MYH6: variants seen among roughly 807,000 people sequenced by gnomAD.
MYH6 encodes the protein myosin-6.
MYH6 carries 126 observed loss-of-function variants against 223.2 expected under a neutral mutation model. The ratio of observed to expected loss-of-function variants is 0.56; its 90% confidence interval spans 0.49 to 0.65. The LOEUF (loss-of-function observed/expected upper bound fraction) is 0.65, where lower values mean the gene tolerates loss of function less well. Among genes scored for constraint, MYH6 ranks in the 30% least tolerant of loss-of-function variants. MYH6 has a pLI of 0.00. For missense variants in MYH6, 2,040 were observed against 2,536.4 expected, an observed-to-expected ratio of 0.80 and a Z score of 4.20; for synonymous variants, 978 against 1,010.2, an observed-to-expected ratio of 0.97 and a Z score of 0.61.
intron 3 of MYH6, among the ~76,000 whole-genome samples, chr14:23,406,527 G>GCC (rs1891794141): frequency 2.0e-5 from 3 of 152,184 alleles, no homozygotes; most frequent in Non-Finnish European, 4.4e-5. Flanking sequence ...GATTCTCTTG[G>GCC]CTGGTGTGAG....
At chr14:23,401,092 C>T (rs1891587221) in intron 12 of MYH6, 115 bp from the exon 13 acceptor site, 4 of 1,494,704 alleles carry the variant, frequency 2.7e-6, no homozygotes, top group Non-Finnish European at 2.7e-6. Context: ...CTACAGCCTC[C>T]ACCTCCTGGG....
At chr14:23,397,796 C>A (rs761573411) in intron 15 of MYH6, among the ~76,000 whole-genome samples, 183 bp from the exon 16 acceptor site, 2 of 152,154 alleles carry the variant, frequency 1.3e-5, no homozygotes, top group Non-Finnish European at 2.9e-5. Context: ...TTAGATAAGA[C>A]CACGCCTGTA....
intron 32 of MYH6, among the ~76,000 whole-genome samples, chr14:23,387,215 C>A (rs1768523580): frequency 6.6e-6 from 1 of 152,190 alleles, no homozygotes; most frequent in Admixed American, 6.5e-5. Context: ...AAGCTGTGTT[C>A]CAACTCAGGC....
intron 33 of MYH6, 77 bp downstream of exon 33, chr14:23,386,238 G>A: frequency 6.2e-7 from 1 of 1,612,922 alleles, no homozygotes. Context: ...GGAATCTGGT[G>A]CCTGTATCCA....
rs748909322 is a variant in MYH6 at position 23,402,588 on chromosome 14, C to T, written c.1017G>A (p.Val339=). The change falls in exon 12 of 39, where the codon GTG becomes GTA. Residue 339 remains valine, a synonymous_variant. Transcript: ENST00000405093. The part of the protein sequence containing the change: ...ELMATDSAFD[V]LGFTSEEKAG... ...CTTTCTCCTCTGAAGTGAAGCCCAGCACGTCAAAGGCACTCTGGGACAGAG... is the reference window on the plus strand; with the variant it reads ...CTTTCTCCTCTGAAGTGAAGCCCAGTACGTCAAAGGCACTCTGGGACAGAG... The T allele has an allele frequency of 6.2e-7, 1 of 1,613,652 alleles. No individual in the cohort carries two copies. Among genetic ancestry groups the T allele is most frequent in the East Asian group, 2.2e-5 (1 of 44,790 alleles).
chr14:23,384,165 C>G (rs1277980788), intron 36 of MYH6, among the ~76,000 whole-genome samples: 1 of 148,434 alleles, frequency 6.7e-6, no homozygotes, highest in East Asian at 2.0e-4. Context: ...GTTCTGAAGT[C>G]TTCATGGTAG....
At position 23,397,961 on chromosome 14, in the gene MYH6, C is replaced by CTTCTAT. The variant is rs1555334321; in HGVS notation, c.1892-349_1892-348insATAGAA. 2.1e-3 allele frequency among the ~76,000 whole-genome samples: 252 copies of CTTCTAT among 120,988 alleles called. 6 individuals carry two copies. Among genetic ancestry groups the CTTCTAT allele is most frequent in the Non-Finnish European group, 3.5e-3 (202 of 58,470 alleles). 79.4% of individuals were successfully genotyped at this position (120,988 alleles called of 152,430 possible). On this transcript the variant is annotated intron_variant, in intron 15 of 38. Transcript: ENST00000405093. ...TCTTCTTCTTCTTCTTCTTCTTCTT[C>CTTCTAT]TTCTTCTTCTTCTTCTTCTTCTTCT...
rs141014719 is a variant in MYH6, at chr14:23,407,188, C to T, written c.36G>A (p.Ala12=). The change falls in exon 3 of 39, where the codon GCG becomes GCA. Residue 12 remains alanine (A), a synonymous_variant. Coordinates refer to ENST00000405093, the MANE Select transcript of MYH6 (RefSeq NM_002471.4). The surrounding 1 kb of genome is among the most constrained non-coding windows in gnomAD (Gnocchi z 5.6). The part of the protein sequence containing the change: ...TDAQMADFGA[A]AQYLRKSEKE... ...TCTCTGACTTGCGGAGGTACTGGGCCGCTGCCCCAAAGTCAGCCATCTGGG... is the reference window on the plus strand; with the variant it reads ...TCTCTGACTTGCGGAGGTACTGGGCTGCTGCCCCAAAGTCAGCCATCTGGG... 9.9e-4 allele frequency: 1,605 copies of T among 1,614,246 alleles called. 15 individuals carry two copies. The African/African-American group carries it at 0.016, about 16-fold the overall frequency.
chr14:23,382,375 CA>C (rs1236623745), intron 38 of MYH6, 52 bp downstream of exon 38: 38 of 1,611,810 alleles, frequency 2.4e-5, no homozygotes, highest in South Asian at 5.5e-5. Context: ...GCACCCATAT[CA>C]GGGGGCATGC....
chr14:23,389,830 G>A, intron 26 of MYH6, 111 bp from the exon 27 acceptor site: 1 of 1,567,246 alleles, frequency 6.4e-7, no homozygotes, highest in Non-Finnish European at 8.8e-7. Flanking sequence ...GGACACAGAA[G>A]GTGTGGGAGG....
chr14:23,383,189 G>A (rs1890909879), intron 37 of MYH6, 36 bp downstream of exon 37: 4 of 1,525,102 alleles, frequency 2.6e-6, no homozygotes, highest in Non-Finnish European at 2.7e-6. Context: ...AATAGTAGGT[G>A]TGTTGATGAG....
At chr14:23,389,171 T>G (rs1273246581) in intron 28 of MYH6, 116 bp from the exon 29 acceptor site, 8 of 1,290,722 alleles carry the variant, frequency 6.2e-6, no homozygotes, top group Non-Finnish European at 8.4e-6. Flanking sequence ...TGTGGGCTGA[T>G]GTGGCACCTC....
At chr14:23,392,207 C>CA (rs1486598094) in intron 25 of MYH6, among the ~76,000 whole-genome samples, 2 of 143,602 alleles carry the variant, frequency 1.4e-5, no homozygotes, top group African/African-American at 2.6e-5. Flanking sequence ...TCCTTGAAGC[C>CA]TTTTTTTTTT....
chr14:23,389,039 G>A lies in MYH6; in HGVS notation c.3995C>T (p.Ala1332Val), dbSNP rs876657876. The A allele has an allele frequency of 4.4e-6, 7 of 1,598,566 alleles. No homozygotes were observed. Among genetic ancestry groups the A allele is most frequent in the Middle Eastern group, 1.7e-4 (1 of 5,928 alleles). ...EEEGKAKNAL[A>V]HALQSARHDC... is the part of the protein sequence containing the mutation. ...ATGCCGGGCCGACTGCAGTGCATGG[G>A]CCAGGGCGTTCTTCGCCTGGGGAGG... Residue 1332 changes from alanine to valine, a missense_variant, in exon 29 of 39, where the codon GCC (alanine) becomes GTC (valine). Coordinates refer to ENST00000405093, the MANE Select transcript of MYH6 (RefSeq NM_002471.4).
chr14:23,386,348 C>T lies in MYH6; in HGVS notation c.4926G>A (p.Gln1642=). The T allele has an allele frequency of 4.3e-6, 7 of 1,614,140 alleles. No individual in the cohort carries two copies. The highest frequency in any genetic ancestry group is 1.7e-5 in the Admixed American group (1 of 60,032). ...SHANRMAAEA[Q]KQVKSLQSLL... is the part of the protein sequence containing the mutation. ...AGCTCTGGAGGCTCTTGACTTGCTT[C>T]TGGGCCTCGGCAGCCATGCGGTTGG... Residue 1642 remains glutamine (Q), a synonymous_variant, in exon 33 of 39, where the codon CAG becomes CAA. Coordinates refer to ENST00000405093, the MANE Select transcript of MYH6 (RefSeq NM_002471.4).
rs576440580 is a variant in MYH6, at chr14:23,392,319, T to C, written c.3342+243A>G. ...TAGAAAGTCCCTGAGGCAGAGCAGA[T>C]CTCAGAAGGAGAAGCCCTTTAGTAG... On this transcript the variant is annotated intron_variant, in intron 25 of 38. Coordinates refer to ENST00000405093, the MANE Select transcript of MYH6 (RefSeq NM_002471.4). Among the ~76,000 whole-genome samples the C allele has an allele frequency of 7.2e-5, 11 of 152,174 alleles. 1 individual carries two copies. In the East Asian group the frequency reaches 1.7e-3, roughly 24 times the overall value.
chr14:23,399,402 G>A (rs1891528572), intron 14 of MYH6, among the ~76,000 whole-genome samples: 1 of 152,182 alleles, frequency 6.6e-6, no homozygotes, highest in Non-Finnish European at 1.5e-5. Context: ...TATGACACCA[G>A]TAGCAATTCT....
Position 23,403,439 on chromosome 14 carries a change from CA to C in MYH6, c.806del (p.Leu269ArgfsTer6), listed in dbSNP as rs1891674645. On this transcript the variant is annotated frameshift_variant, in exon 10 of 39. Transcript: ENST00000405093. LOFTEE classifies it high-confidence loss of function. ...LASADIETYL[L>X]EKSRVIFQLK... ...GCTGGAAGATCACCCGGGACTTCTC[CA>C]GCAGGTCTGAGGTGGGTGGAGGGGA... is the stretch of plus-strand genomic sequence containing the variant. The C allele has an allele frequency of 4.3e-6, 7 of 1,613,876 alleles. No individual in the cohort carries two copies. The highest frequency in any genetic ancestry group is 5.9e-6 in the Non-Finnish European group (7 of 1,179,868).
In MYH6 at chr14:23,389,647, G is replaced by A; in HGVS notation, c.3805C>T (p.Gln1269Ter). ...GTGGTGAAATCATTGAGGGAGCGTT[G>A]GGCCTCTTCTAGCTTCACGCGGTAC... ...NEYRVKLEEA[Q>*]RSLNDFTTQR... The change falls in exon 27 of 39, where the codon CAA becomes TAA. Residue 1269 changes from glutamine (Q) to a stop codon, truncating the protein, a stop_gained. Transcript: ENST00000405093. LOFTEE classifies it high-confidence loss of function. The A allele has an allele frequency of 6.2e-7, 1 of 1,614,160 alleles. No individual in the cohort carries two copies. The highest frequency in any genetic ancestry group is 8.5e-7 in the Non-Finnish European group (1 of 1,180,030).
Sources: gnomAD v4.1 joint callset for allele counts (sites outside exome capture counted in the v4.1 genomes callset) on GRCh38, gnomAD v4.1.1 for gene constraint, Gnocchi (gnomAD v3.1) non-coding constraint, MANE v1.5 for transcripts, NCBI Gene and HGNC (gene_info 2026-07-23, HGNC 2026-07-21) for gene names.